The following POSTN variants were observed in gnomAD, a reference collection of about 807,000 sequenced individuals.
POSTN encodes periostin, also known as osteoblast specific factor 2 (fasciclin I-like).
In POSTN, 71 loss-of-function variants were observed where a neutral mutation model predicts 104.5. The ratio of observed to expected loss-of-function variants is 0.68; its 90% confidence interval spans 0.56 to 0.83. The LOEUF (loss-of-function observed/expected upper bound fraction) is 0.83, where lower values mean the gene tolerates loss of function less well. Ranked by LOEUF, POSTN falls within the 40% of genes least tolerant of loss-of-function variation. The pLI is 0.00. For missense variants in POSTN, 949 were observed against 1,006.8 expected (o/e 0.94, Z 0.78); for synonymous variants, 355 against 340.7 (o/e 1.04, Z -0.46).
chr13:37,583,283 A>C (rs17056105), intron 9 of POSTN, among the ~76,000 whole-genome samples: 1 of 151,970 alleles, frequency 6.6e-6, no homozygotes, highest in Admixed American at 6.6e-5. Context: ...TACTGTCCAA[A>C]TTTTGAGATG....
At position 37,590,437 on chromosome 13, in the gene POSTN, T is replaced by C; in HGVS notation, c.376A>G (p.Ile126Val). 1 of 1,612,958 alleles carries C rather than the reference T, an allele frequency of 6.2e-7. No individual in the cohort carries two copies. Among genetic ancestry groups the C allele is most frequent in the Non-Finnish European group, 8.5e-7 (1 of 1,179,434 alleles). Reference sequence around the variant, plus strand: ...TAAGTGAAGGATCCCTTTCCCTCGATCTCCTCCCTCAGTTTTGAGGCGTCA... The same window carrying C: ...TAAGTGAAGGATCCCTTTCCCTCGACCTCCTCCCTCAGTTTTGAGGCGTCA... ...YSDASKLREE[I>V]EGKGSFTYFA... is the part of the protein sequence containing the mutation. Residue 126 changes from isoleucine (I) to valine (V), a missense_variant, in exon 4 of 23, where the codon ATC (isoleucine) becomes GTC (valine). Physicochemically the swap from Ile to Val is conservative, Grantham distance 29. Coordinates refer to ENST00000379747, the MANE Select transcript of POSTN (RefSeq NM_006475.3).
chr13:37,580,771 T>C, intron 10 of POSTN, 74 bp from the exon 11 acceptor site: 1 of 1,584,754 alleles, frequency 6.3e-7, no homozygotes, highest in Non-Finnish European at 8.6e-7. Context: ...AACTACATAA[T>C]TAAGTTTCCG....
Position 37,582,737 on chromosome 13 carries a change from C to T in POSTN, c.1244-223G>A, listed in dbSNP as rs116918800. On this transcript the variant is annotated intron_variant, in intron 9 of 22. Transcript: ENST00000379747. ...GTATTAAATGACAATAATACAGTTC[C>T]AACCAGTTCAATCAATGAGTTTCAC... Among the ~76,000 whole-genome samples the T allele has an allele frequency of 4.6e-4, 70 of 152,238 alleles. No homozygotes were observed. The East Asian group carries it at 0.01, about 22-fold the overall frequency.
chr13:37,580,422 A>G, intron 11 of POSTN, 139 bp downstream of exon 11: 1 of 987,674 alleles, frequency 1.0e-6, no homozygotes, highest in Non-Finnish European at 1.5e-6. Context: ...ATCAATTTTG[A>G]AAACACTTGT....
intron 21 of POSTN, 121 bp from the exon 22 acceptor site, chr13:37,564,681 T>C (rs1593302309): frequency 2.0e-6 from 1 of 498,470 alleles, no homozygotes; most frequent in East Asian, 3.3e-5. Flanking sequence ...ACGAAGATTA[T>C]TTTTAGTAGT....
In POSTN at chr13:37,586,941, G is replaced by A; in HGVS notation, c.607-13C>T. The A allele has an allele frequency of 1.2e-6, 2 of 1,610,356 alleles. No homozygotes were observed. The highest frequency in any genetic ancestry group is 1.7e-6 in the Non-Finnish European group (2 of 1,178,584). On this transcript the variant is annotated splice_polypyrimidine_tract_variant and intron_variant, in intron 5 of 22. Transcript: ENST00000379747. ...TAACAGTGACAACCTATAATTATTTGGAAAAATCAAAGTGCTGAAACCAGA... is the reference window on the plus strand; with the variant it reads ...TAACAGTGACAACCTATAATTATTTAGAAAAATCAAAGTGCTGAAACCAGA...
intron 7 of POSTN, 92 bp downstream of exon 7, chr13:37,586,046 AT>A: frequency 7.8e-7 from 1 of 1,282,520 alleles, no homozygotes; most frequent in South Asian, 2.2e-5. Context: ...GCCTTTGCTT[AT>A]TAAAACTAAT....
intron 17 of POSTN, among the ~76,000 whole-genome samples, chr13:37,574,267 A>G (rs185153289): frequency 1.1e-4 from 17 of 151,820 alleles, no homozygotes; most frequent in Admixed American, 2.6e-4. Context: ...GAGTCTGACT[A>G]AAGTAAAAAA....
In POSTN at chr13:37,574,643, AT is replaced by A. The variant is rs746136177; in HGVS notation, c.2017del (p.Ile673LeufsTer2). The A allele has an allele frequency of 6.3e-7, 1 of 1,597,172 alleles. No homozygotes were observed. The highest frequency in any genetic ancestry group is 1.8e-5 in the Admixed American group (1 of 56,906). ...EIPVTVYTTK[I>X]ITKVVEPKIK... ...TTTTGGTTCCACAACTTTGGTTATA[AT>A]TTTAGTTGCTGAAAGTATAGAAAGT... On this transcript the variant is annotated frameshift_variant, in exon 17 of 23. Transcript: ENST00000379747. LOFTEE classifies it high-confidence loss of function.
At chr13:37,564,181 CATATATATATATATATAT>C (rs71093693) in intron 22 of POSTN, among the ~76,000 whole-genome samples, 4,438 of 49,832 alleles carry the variant, frequency 0.089, 173 homozygotes, top group Non-Finnish European at 0.15. Context: ...CAAAACATTA[CATATATATATATATATAT>C]ATATATATAT....
chr13:37,585,158 A>G (rs1313895887), intron 7 of POSTN, among the ~76,000 whole-genome samples: 3 of 152,192 alleles, frequency 2.0e-5, no homozygotes, highest in Non-Finnish European at 4.4e-5. Flanking sequence ...GCTTCAGGAA[A>G]TGATTGGTGC....
chr13:37,565,188 A>G (rs1950057613), intron 21 of POSTN: 1 of 151,976 alleles, frequency 6.6e-6, no homozygotes, highest in Non-Finnish European at 1.5e-5. Flanking sequence ...AACTAATAAA[A>G]GCTTTTATAT....
At chr13:37,578,641 C>CA (rs1032221824) in intron 15 of POSTN, among the ~76,000 whole-genome samples, 6 of 150,540 alleles carry the variant, frequency 4.0e-5, no homozygotes, top group East Asian at 2.0e-4. Context: ...CCTAAAAATA[C>CA]AAAAAAAATT....
chr13:37,564,189 T>C (rs1281638743), intron 22 of POSTN, among the ~76,000 whole-genome samples: 1,118 of 48,102 alleles, frequency 0.023, 1 homozygote, highest in African/African-American at 0.041. Context: ...TACATATATA[T>C]ATATATATAT....
At chr13:37,570,226 C>T (rs922215254) in intron 19 of POSTN, among the ~76,000 whole-genome samples, 3 of 151,680 alleles carry the variant, frequency 2.0e-5, no homozygotes, top group African/African-American at 7.3e-5. Context: ...GATGTACAGA[C>T]CTTAAGATTA....
At chr13:37,574,136 T>G (rs1408675462) in intron 17 of POSTN, among the ~76,000 whole-genome samples, 1 of 151,712 alleles carries the variant, frequency 6.6e-6, no homozygotes, top group African/African-American at 2.4e-5. Context: ...CTATGCTATC[T>G]TATGTTACAC....
At chr13:37,570,690 A>G (rs1157381003) in intron 18 of POSTN, 21 bp from the exon 19 acceptor site, 1 of 1,458,338 alleles carries the variant, frequency 6.9e-7, no homozygotes, top group Non-Finnish European at 9.6e-7. Context: ...GGGAATACAA[A>G]TGCATTTGAT....
chr13:37,586,992 A>T (rs1950766780), intron 5 of POSTN, 64 bp from the exon 6 acceptor site: 4 of 1,461,142 alleles, frequency 2.7e-6, no homozygotes, highest in Admixed American at 2.0e-5. Flanking sequence ...CTGAGACTGC[A>T]AGCCCATTCC....
At chr13:37,588,999 G>T (rs1052920569) in intron 4 of POSTN, among the ~76,000 whole-genome samples, 4 of 152,106 alleles carry the variant, frequency 2.6e-5, no homozygotes, top group Non-Finnish European at 4.4e-5. Context: ...TGGAGAAAGG[G>T]GAGGTAAGGA....
Sources: allele counts gnomAD v4.1 joint callset (sites outside exome capture counted in the v4.1 genomes callset), GRCh38; gene constraint gnomAD v4.1.1; transcripts MANE v1.5; gene names NCBI Gene and HGNC (gene_info 2026-07-23, HGNC 2026-07-21).